The following SPATA31C2 variants were observed in gnomAD, a reference collection of about 807,000 sequenced individuals.
SPATA31C2 encodes spermatogenesis-associated protein 31C2.
In SPATA31C2, 5 loss-of-function variants were observed where a neutral mutation model predicts 11.4. The observed-to-expected ratio is 0.44, with a 90% CI of 0.23 to 0.92. SPATA31C2 has a LOEUF of 0.92. Among genes scored for constraint, SPATA31C2 ranks in the 40% least tolerant of loss-of-function variants. The pLI is 0.24. For missense variants in SPATA31C2, 1,353 were observed against 1,368.6 expected, an observed-to-expected ratio of 0.99 and a Z score of 0.18; for synonymous variants, 515 against 538.7, an observed-to-expected ratio of 0.96 and a Z score of 0.61.
In SPATA31C2 at chr9:88,132,294, G is replaced by A; in HGVS notation, c.743C>T (p.Ser248Leu). The change falls in exon 4 of 4, where the codon TCA (serine) becomes TTA (leucine). Residue 248 changes from serine to leucine, a missense_variant. Transcript: ENST00000324915. ...GACGGTGTCCAGTGGAAGTGCCACT[G>A]AGTCACAGTGAGATGGTGTTAACAG... The part of the protein sequence containing the change: ...STLLTPSHCD[S>L]VALPLDTVPQ... 1 of 1,610,858 alleles carries A rather than the reference G, an allele frequency of 6.2e-7. No homozygotes were observed. The highest frequency in any genetic ancestry group is 8.5e-7 in the Non-Finnish European group (1 of 1,177,748).
In SPATA31C2 at chr9:88,132,566, C is replaced by T. The variant is rs369026675; in HGVS notation, c.471G>A (p.Pro157=). 3.8e-5 allele frequency: 62 copies of T among 1,610,448 alleles called. No individual in the cohort carries two copies. The African/African-American group carries it at 4.7e-4, about 12-fold the overall frequency. ...TGGTTCGAGGATCCGGGGAAGCTAA[C>T]GGGGAGACAATGGGAGCAGCGTCTT... The part of the protein sequence containing the change: ...PTEDAAPIVS[P]LASPDPRTKH... The change falls in exon 4 of 4, where the codon CCG becomes CCA. Residue 157 remains proline (P), a synonymous_variant. Coordinates refer to ENST00000324915, the MANE Select transcript of SPATA31C2 (RefSeq NM_001350978.3).
rs778495311 is a variant in SPATA31C2 at position 88,132,619 on chromosome 9, C to A, written c.418G>T (p.Ala140Ser). Reference protein sequence around the residue: ...GEVGKRTPDGASRSSHEPTED... With the variant: ...GEVGKRTPDGSSRSSHEPTED... Reference sequence around the variant, plus strand: ...GTAGGCTCATGAGAGGACCGGGAGGCTCCATCAGGTGTTCTTTTGCCCACC... The same window carrying A: ...GTAGGCTCATGAGAGGACCGGGAGGATCCATCAGGTGTTCTTTTGCCCACC... Residue 140 changes from alanine (A) to serine (S), a missense_variant, in exon 4 of 4, where the codon GCC becomes TCC. Transcript: ENST00000324915. 3.1e-6 allele frequency: 5 copies of A among 1,609,560 alleles called. No individual in the cohort carries two copies. The African/African-American group carries it at 6.7e-5, about 22-fold the overall frequency.
rs644084 is a variant in SPATA31C2, at chr9:88,132,393, C to G, written c.644G>C (p.Arg215Pro). The G allele has an allele frequency of 1.2e-5, 20 of 1,610,712 alleles. No individual in the cohort carries two copies. The highest frequency in any genetic ancestry group is 2.2e-5 in the East Asian group (1 of 44,726). The change falls in exon 4 of 4, where the codon CGC becomes CCC. Residue 215 changes from arginine (R) to proline (P), a missense_variant. Coordinates refer to ENST00000324915, the MANE Select transcript of SPATA31C2 (RefSeq NM_001350978.3). ...AGAGCAGGCCAGAGGATCAGGAGTGCGTGGTGGGTGAGGGAAAAGTGCAGG... is the reference window on the plus strand; with the variant it reads ...AGAGCAGGCCAGAGGATCAGGAGTGGGTGGTGGGTGAGGGAAAAGTGCAGG... ...EPPALFPHPP[R>P]TPDPLACSPP...
rs781241048 is a variant in SPATA31C2 at position 88,131,530 on chromosome 9, G to C, written c.1507C>G (p.Gln503Glu). Residue 503 changes from glutamine (Q) to glutamate (E), a missense_variant, in exon 4 of 4, where the codon CAG (glutamine) becomes GAG (glutamate). Gln to Glu is a conservative substitution (Grantham distance 29). Coordinates refer to ENST00000324915, the MANE Select transcript of SPATA31C2 (RefSeq NM_001350978.3). ...TSTGESSKEAQTVKFQLERDP... is the reference protein window; with the variant it reads ...TSTGESSKEAETVKFQLERDP... ...CTCTCTAGCTGGAACTTCACCGTCT[G>C]TGCCTCCTTGCTGCTTTCACCTGTG... 6.2e-7 allele frequency: 1 copy of C among 1,611,706 alleles called. No homozygotes were observed. Among genetic ancestry groups the C allele is most frequent in the Non-Finnish European group, 8.5e-7 (1 of 1,179,704 alleles).
At position 88,132,142 on chromosome 9, in the gene SPATA31C2, A is replaced by C. The variant is rs1226772597; in HGVS notation, c.895T>G (p.Phe299Val). The part of the protein sequence containing the change: ...SQETTKTWCV[F>V]NSSVQQDHLS... The stretch of plus-strand genomic sequence containing the variant: ...TGATCTTGCTGGACTGACGAGTTGA[A>C]GACGCACCAGGTTTTGGTAGTCTCC... The change falls in exon 4 of 4, where the codon TTC becomes GTC. Residue 299 changes from phenylalanine to valine, a missense_variant. Phe to Val is a conservative substitution (Grantham distance 50). This residue lies in a region of SPATA31C2 where 1,075 missense variants were observed against 992.8 expected (regional missense o/e 1.08). Coordinates refer to ENST00000324915, the MANE Select transcript of SPATA31C2 (RefSeq NM_001350978.3). 1 of 1,610,524 alleles carries C rather than the reference A, an allele frequency of 6.2e-7. No homozygotes were observed. The highest frequency in any genetic ancestry group is 1.3e-5 in the African/African-American group (1 of 74,844).
In SPATA31C2 at chr9:88,132,675, C is replaced by T. The variant is rs761545037; in HGVS notation, c.362G>A (p.Gly121Asp). The part of the protein sequence containing the change: ...LGPHLEKGDF[G>D]QLSGPDPPGE... ...TGGCGGGTCTGGACCAGAGAGCTGA[C>T]CAAAGTCACCTTTTTCAAGGTGTGG... Residue 121 changes from glycine (G) to aspartate (D), a missense_variant, in exon 4 of 4, where the codon GGT (glycine) becomes GAT (aspartate). Gly to Asp is a moderately conservative substitution (Grantham distance 94, BLOSUM62 -1). Coordinates refer to ENST00000324915, the MANE Select transcript of SPATA31C2 (RefSeq NM_001350978.3). 6 of 1,607,240 alleles carry T rather than the reference C, an allele frequency of 3.7e-6. No homozygotes were observed. In the South Asian group the frequency reaches 6.6e-5, roughly 18 times the overall value.
At chr9:88,133,808 C>G (rs900454211) in intron 1 of SPATA31C2, 139 bp from the exon 2 acceptor site, 3 of 1,318,094 alleles carry the variant, frequency 2.3e-6, no homozygotes, top group African/African-American at 1.5e-5. Context: ...TCCCCTCCCA[C>G]TCATGTTTAA....
chr9:88,133,755 G>C (rs540590883), intron 1 of SPATA31C2, 86 bp from the exon 2 acceptor site: 58 of 1,446,566 alleles, frequency 4.0e-5, no homozygotes, highest in South Asian at 1.0e-4. Context: ...CTCATGAACC[G>C]CATGGCTCTG....
intron 1 of SPATA31C2, among the ~76,000 whole-genome samples, chr9:88,137,399 T>A (rs951445488): frequency 1.4e-5 from 2 of 145,380 alleles, no homozygotes; most frequent in African/African-American, 5.0e-5. Context: ...CTGAGGCAGG[T>A]GGATCACCTG....
rs1563962627 is a variant in SPATA31C2, at chr9:88,132,312, G to T, written c.725C>A (p.Thr242Lys). Reference protein sequence around the residue: ...PPPLRDSTLLTPSHCDSVALP... With the variant: ...PPPLRDSTLLKPSHCDSVALP... ...TGCCACTGAGTCACAGTGAGATGGT[G>T]TTAACAGAGTGGAGTCCCGCAGGGG... is the stretch of plus-strand genomic sequence containing the variant. The change falls in exon 4 of 4, where the codon ACA becomes AAA. Residue 242 changes from threonine to lysine, a missense_variant. Physicochemically the swap from Thr to Lys is moderately conservative, Grantham distance 78 (BLOSUM62 -1). Coordinates refer to ENST00000324915, the MANE Select transcript of SPATA31C2 (RefSeq NM_001350978.3). The T allele has an allele frequency of 6.2e-7, 1 of 1,610,916 alleles. No individual in the cohort carries two copies. Among genetic ancestry groups the T allele is most frequent in the Admixed American group, 1.7e-5 (1 of 59,846 alleles).
In SPATA31C2 at chr9:88,132,047, C is replaced by A. The variant is rs1439514413; in HGVS notation, c.990G>T (p.Glu330Asp). 1.2e-6 allele frequency: 2 copies of A among 1,610,842 alleles called. No individual in the cohort carries two copies. ...ATGAAATAAAGGGTTGGGACTCAGG[C>A]TCCAGATGGGACAGGGGCTGGGCCT... is the stretch of plus-strand genomic sequence containing the variant. ...LFQAQPLSHL[E>D]PESQPFISST... The change falls in exon 4 of 4, where the codon GAG (glutamate) becomes GAT (aspartate). Residue 330 changes from glutamate (E) to aspartate (D), a missense_variant. Glu to Asp is a conservative substitution (Grantham distance 45, BLOSUM62 2). Coordinates refer to ENST00000324915, the MANE Select transcript of SPATA31C2 (RefSeq NM_001350978.3).
Position 88,130,742 on chromosome 9 carries a change from C to G in SPATA31C2, c.2295G>C (p.Glu765Asp). The change falls in exon 4 of 4, where the codon GAG becomes GAC. Residue 765 changes from glutamate to aspartate, a missense_variant. Physicochemically the swap from Glu to Asp is conservative, Grantham distance 45. Transcript: ENST00000324915. Reference protein sequence around the residue: ...GSLKAPTAGQEGRWPSKPLTY... With the variant: ...GSLKAPTAGQDGRWPSKPLTY... Reference sequence around the variant, plus strand: ...TGAGGGGCTTAGATGGCCACCTGCCCTCCTGTCCAGCTGTAGGAGCCTTCA... The same window carrying G: ...TGAGGGGCTTAGATGGCCACCTGCCGTCCTGTCCAGCTGTAGGAGCCTTCA... 1 of 1,613,564 alleles carries G rather than the reference C, an allele frequency of 6.2e-7. No homozygotes were observed. Among genetic ancestry groups the G allele is most frequent in the South Asian group, 1.1e-5 (1 of 91,052 alleles).
At chr9:88,133,703 G>A (rs770447299) in intron 1 of SPATA31C2, 34 bp from the exon 2 acceptor site, 106 of 1,539,974 alleles carry the variant, frequency 6.9e-5, no homozygotes, top group South Asian at 3.5e-4. Context: ...AGCTAGGACC[G>A]GCTCTCCCTC....
chr9:88,133,821 G>A (rs1825641945), intron 1 of SPATA31C2, among the ~76,000 whole-genome samples, 152 bp from the exon 2 acceptor site: 1 of 152,110 alleles, frequency 6.6e-6, no homozygotes, highest in South Asian at 2.1e-4. Flanking sequence ...ATGTTTAAAT[G>A]GATGATAAAC....
Position 88,130,480 on chromosome 9 carries a change from C to G in SPATA31C2, c.2557G>C (p.Glu853Gln), listed in dbSNP as rs781356263. 1.9e-6 allele frequency: 3 copies of G among 1,613,430 alleles called. No homozygotes were observed. The highest frequency in any genetic ancestry group is 1.1e-5 in the South Asian group (1 of 91,064). ...SQDPRKLCLMEEAVSEFEPGK... is the reference protein window; with the variant it reads ...SQDPRKLCLMQEAVSEFEPGK... ...GGCTCAAATTCACTAACAGCCTCCTCCATGAGACACAGCTTTCTTGGGTCT... is the reference window on the plus strand; with the variant it reads ...GGCTCAAATTCACTAACAGCCTCCTGCATGAGACACAGCTTTCTTGGGTCT... The change falls in exon 4 of 4, where the codon GAG becomes CAG. Residue 853 changes from glutamate (E) to glutamine (Q), a missense_variant. Physicochemically the swap from Glu to Gln is conservative, Grantham distance 29. Transcript: ENST00000324915.
In SPATA31C2 at chr9:88,136,442, G is replaced by A. The variant is rs1825683182; in HGVS notation, c.189+1816C>T. On this transcript the variant is annotated intron_variant, in intron 1 of 3. Coordinates refer to ENST00000324915, the MANE Select transcript of SPATA31C2 (RefSeq NM_001350978.3). ...ACTTTAAACAATATTCTAGATATGA[G>A]CTCCTTGTCAGATATGGTTTATCAG... Among the ~76,000 whole-genome samples, 3 of 143,996 alleles carry A rather than the reference G, an allele frequency of 2.1e-5. No individual in the cohort carries two copies. The South Asian group carries it at 6.8e-4, about 33-fold the overall frequency. The allele number at this position is 143,996 out of a possible 152,430, so 94.5% of individuals were successfully genotyped here.
intron 1 of SPATA31C2, 48 bp downstream of exon 1, chr9:88,138,205 TAAAAA>T (rs1825704298): frequency 2.3e-6 from 1 of 434,010 alleles, no homozygotes. Context: ...GAACTAATAA[TAAAAA>T]GAAAGAAGAG....
At chr9:88,135,523 T>A (rs1359044658) in intron 1 of SPATA31C2, among the ~76,000 whole-genome samples, 2 of 130,122 alleles carry the variant, frequency 1.5e-5, no homozygotes, top group East Asian at 3.0e-4. Context: ...ATTTTTTTTA[T>A]TTTTTTGAGA....
rs562861780 is a variant in SPATA31C2 at position 88,130,659 on chromosome 9, C to G, written c.2378G>C (p.Arg793Thr). 6.8e-6 allele frequency: 11 copies of G among 1,613,768 alleles called. No individual in the cohort carries two copies. The highest frequency in any genetic ancestry group is 9.3e-6 in the Non-Finnish European group (11 of 1,179,854). ...QSRSLGAQSS[R>T]AGETREAVPQ... is the part of the protein sequence containing the mutation. The stretch of plus-strand genomic sequence containing the variant: ...CACTGCCTCCCTGGTCTCTCCAGCC[C>G]TTGAAGATTGGGCTCCTAAGCTCCT... Residue 793 changes from arginine to threonine, a missense_variant, in exon 4 of 4, where the codon AGG becomes ACG. This residue lies in a region of SPATA31C2 where 1,075 missense variants were observed against 992.8 expected (regional missense o/e 1.08). Coordinates refer to ENST00000324915, the MANE Select transcript of SPATA31C2 (RefSeq NM_001350978.3).
Sources: allele counts gnomAD v4.1 joint callset (sites outside exome capture counted in the v4.1 genomes callset), GRCh38; gene constraint gnomAD v4.1.1; regional missense constraint gnomAD v4.1.1; transcripts MANE v1.5; gene names NCBI Gene and HGNC (gene_info 2026-07-23, HGNC 2026-07-21).